GTPBP8: variants seen among roughly 807,000 people sequenced by gnomAD.
GTPBP8 encodes GTP-binding protein 8.
A neutral mutation model predicts 27.3 loss-of-function variants in GTPBP8; 21 were observed. That is an observed-to-expected ratio of 0.77 (90% CI 0.55 to 1.11). GTPBP8 has a LOEUF of 1.11. GTPBP8 is among the 50% of genes least tolerant of loss of function. The pLI, the probability that GTPBP8 is intolerant of heterozygous loss-of-function variation, is 0.00. For synonymous variants in GTPBP8, 147 were observed against 135.3 expected (o/e 1.09, Z -0.60); for missense variants, 380 against 350.8 (o/e 1.08, Z -0.67).
rs1414149606 is a variant in GTPBP8 at position 112,991,480 on chromosome 3, G to A, written c.336+145G>A. On this transcript the variant is annotated intron_variant, in intron 1 of 5. Coordinates refer to ENST00000383678, the MANE Select transcript of GTPBP8 (RefSeq NM_014170.4). ...TATTATTTTAACTCAATAGGCATAT[G>A]TCGATGCTCCCTGTACGTGGGGATA... 55 of 760,062 alleles carry A rather than the reference G, an allele frequency of 7.2e-5. 2 individuals are homozygous for A. In the South Asian group the frequency reaches 8.1e-4, roughly 11 times the overall value. The allele number at this position is 760,062 out of a possible 1,614,324, so 47.1% of individuals were successfully genotyped here. A position where few individuals can be genotyped will look rare whatever the true frequency, so the allele number is the denominator to read the frequency against.
At chr3:112,999,360 G>A in intron 4 of GTPBP8, 86 bp from the exon 5 acceptor site, 1 of 552,182 alleles carries the variant, frequency 1.8e-6, no homozygotes, top group Non-Finnish European at 3.3e-6. Context: ...GGGTCACCTA[G>A]TTGTAAATGA....
intron 1 of GTPBP8, chr3:112,991,888 G>T: frequency 4.3e-6 from 1 of 233,320 alleles, no homozygotes; most frequent in Non-Finnish European, 8.6e-6. Flanking sequence ...GCAATAATGT[G>T]GAAAAATTTT....
chr3:112,999,216 C>T (rs10460813), intron 4 of GTPBP8, among the ~76,000 whole-genome samples: 128,120 of 152,198 alleles, frequency 0.84, 54,124 homozygotes, highest in African/African-American at 0.87. Context: ...GTTAAAGCAC[C>T]ATTAAGCAGC....
rs767244694 is a variant in GTPBP8, at chr3:112,991,033, A to G, written c.34A>G (p.Arg12Gly). 1 of 1,603,350 alleles carries G rather than the reference A, an allele frequency of 6.2e-7. No individual in the cohort carries two copies. Residue 12 changes from arginine to glycine, a missense_variant, in exon 1 of 6, where the codon AGA becomes GGA. Transcript: ENST00000383678. Reference sequence around the variant, plus strand: ...GCCCGGGCTGCGGCTGGGAGCGGGAAGACTCTTTGAAATGCCTGCGGTGCT... The same window carrying G: ...GCCCGGGCTGCGGCTGGGAGCGGGAGGACTCTTTGAAATGCCTGCGGTGCT... ...AAPGLRLGAG[R>G]LFEMPAVLER...
chr3:112,993,753 G>A (rs1033362505), intron 2 of GTPBP8, among the ~76,000 whole-genome samples: 1 of 152,052 alleles, frequency 6.6e-6, no homozygotes, highest in Admixed American at 6.5e-5. Flanking sequence ...GTGCGTGCAC[G>A]AACGCACACA....
chr3:113,000,186 C>T (rs1000462145), intron 5 of GTPBP8, among the ~76,000 whole-genome samples: 12 of 151,902 alleles, frequency 7.9e-5, no homozygotes, highest in African/African-American at 2.7e-4. Flanking sequence ...GTCGGGAGTC[C>T]AAAACCAGCC....
chr3:112,994,049 G>T (rs377395764), intron 2 of GTPBP8, among the ~76,000 whole-genome samples: 1 of 152,108 alleles, frequency 6.6e-6, no homozygotes, highest in Non-Finnish European at 1.5e-5. Flanking sequence ...AACTGACTGG[G>T]AACTTAAAAT....
At position 113,001,259 on chromosome 3, in the gene GTPBP8, AT is replaced by A. The variant is rs1933903797; in HGVS notation, c.*341del. The A allele has an allele frequency of 6.2e-6, 1 of 161,818 alleles. No homozygotes were observed. The highest frequency in any genetic ancestry group is 7.2e-5 in the Admixed American group (1 of 13,794). 10.0% of individuals were successfully genotyped at this position (161,818 alleles called of 1,614,324 possible). On this transcript the variant is annotated 3_prime_UTR_variant, in exon 6 of 6. Coordinates refer to ENST00000383678, the MANE Select transcript of GTPBP8 (RefSeq NM_014170.4). ...ATTGGGCTTTTGTCTTTTAAAGAAT[AT>A]GTCTACTATGGGTATTTTTTTTTTA...
rs995697526 is a variant in GTPBP8 at position 113,001,217 on chromosome 3, G to C, written c.*298G>C. On this transcript the variant is annotated 3_prime_UTR_variant, in exon 6 of 6. Coordinates refer to ENST00000383678, the MANE Select transcript of GTPBP8 (RefSeq NM_014170.4). ...TGAAAACCTGTTACAACTATGTACA[G>C]AAGGGTTTGACGTTTTATTGGGCTT... 4 of 221,716 alleles carry C rather than the reference G, an allele frequency of 1.8e-5. No homozygotes were observed. Among genetic ancestry groups the C allele is most frequent in the Non-Finnish European group, 2.6e-5 (3 of 114,100 alleles). The allele number at this position is 221,716 out of a possible 1,614,324, so 13.7% of individuals were successfully genotyped here.
chr3:113,001,803 A>C lies in GTPBP8; in HGVS notation c.*884A>C, dbSNP rs865869930. 6.6e-6 allele frequency: 1 copy of C among 152,244 alleles called. No individual in the cohort carries two copies. The highest frequency in any genetic ancestry group is 1.5e-5 in the Non-Finnish European group (1 of 68,034). The allele number at this position is 152,244 out of a possible 1,614,324, so 9.4% of individuals were successfully genotyped here. A position where few individuals can be genotyped will look rare whatever the true frequency, so the allele number is the denominator to read the frequency against. ...TGGGACAGTTTAGACTGCTACATTT[A>C]AGATTCAGAATGGAAAAATAAAGCC... On this transcript the variant is annotated 3_prime_UTR_variant, in exon 6 of 6. Coordinates refer to ENST00000383678, the MANE Select transcript of GTPBP8 (RefSeq NM_014170.4).
chr3:112,991,244 A>T lies in GTPBP8; in HGVS notation c.245A>T (p.Asp82Val), dbSNP rs746696600. The change falls in exon 1 of 6, where the codon GAC (aspartate) becomes GTC (valine). Residue 82 changes from aspartate to valine, a missense_variant. Physicochemically the swap from Asp to Val is radical, Grantham distance 152 (BLOSUM62 -3). Coordinates refer to ENST00000383678, the MANE Select transcript of GTPBP8 (RefSeq NM_014170.4). Reference sequence around the variant, plus strand: ...AGCCCGGAGGACATAGCCAGGGCGGACAACATCTTCACGGCCACTGAACGG... The same window carrying T: ...AGCCCGGAGGACATAGCCAGGGCGGTCAACATCTTCACGGCCACTGAACGG... Reference protein sequence around the residue: ...DPSPEDIARADNIFTATERNR... With the variant: ...DPSPEDIARAVNIFTATERNR... 1.2e-6 allele frequency: 2 copies of T among 1,614,070 alleles called. No individual in the cohort carries two copies. Among genetic ancestry groups the T allele is most frequent in the Non-Finnish European group, 8.5e-7 (1 of 1,180,028 alleles).
Position 113,000,917 on chromosome 3 carries a change from T to TA in GTPBP8, c.855dup. ...FIASVTGSLD[*] ...AGCCAGTGTAACAGGAAGTCTTGAC[T>TA]AATGGTTCCCGGTTTAGCTGAAGAT... The change falls in exon 6 of 6, where the codon TAA becomes TAAA. Residue 285 remains the stop codon, a frameshift_variant and stop_retained_variant. Coordinates refer to ENST00000383678, the MANE Select transcript of GTPBP8 (RefSeq NM_014170.4). LOFTEE classifies it high-confidence loss of function. The TA allele has an allele frequency of 2.0e-6, 3 of 1,520,032 alleles. No individual in the cohort carries two copies. 94.2% of individuals were successfully genotyped at this position (1,520,032 alleles called of 1,614,324 possible). A position where few individuals can be genotyped will look rare whatever the true frequency, so the allele number is the denominator to read the frequency against.
intron 3 of GTPBP8, among the ~76,000 whole-genome samples, chr3:112,996,462 T>TA (rs1454836045): frequency 2.0e-5 from 3 of 151,540 alleles, no homozygotes; most frequent in East Asian, 3.9e-4. Context: ...AGGCTCTGTC[T>TA]AAAAAAACAA....
chr3:112,997,059 G>A, intron 4 of GTPBP8, 68 bp downstream of exon 4: 1 of 748,604 alleles, frequency 1.3e-6, no homozygotes, highest in Non-Finnish European at 2.3e-6. Flanking sequence ...GTGTGAACAT[G>A]CACCTTTTAA....
chr3:112,996,463 A>G (rs1015888133), intron 3 of GTPBP8, among the ~76,000 whole-genome samples: 4 of 152,050 alleles, frequency 2.6e-5, no homozygotes, highest in African/African-American at 9.7e-5. Flanking sequence ...GGCTCTGTCT[A>G]AAAAAACAAA....
chr3:112,995,697 C>T (rs767357629), intron 3 of GTPBP8, among the ~76,000 whole-genome samples: 11 of 151,926 alleles, frequency 7.2e-5, no homozygotes, highest in East Asian at 1.9e-4. Context: ...CCACCATGCC[C>T]GGCTCATTTT....
chr3:112,992,934 T>A (rs895811720), intron 1 of GTPBP8, 92 bp from the exon 2 acceptor site: 1 of 662,856 alleles, frequency 1.5e-6, no homozygotes, highest in Non-Finnish European at 2.7e-6. Flanking sequence ...ATTCAATAAA[T>A]ATTAGCTGTG....
rs998003833 is a variant in GTPBP8, at chr3:112,995,345, T to C, written c.566+80T>C. The C allele has an allele frequency of 2.9e-5, 24 of 841,900 alleles. No individual in the cohort carries two copies. In the Admixed American group the frequency reaches 6.4e-4, roughly 23 times the overall value. The allele number at this position is 841,900 out of a possible 1,614,324, so 52.2% of individuals were successfully genotyped here. The stretch of plus-strand genomic sequence containing the variant: ...CATCAGTAGAGTATTATACACATGA[T>C]TAACACTTCAGTTTTATCAAATGAC... On this transcript the variant is annotated intron_variant, in intron 3 of 5. Coordinates refer to ENST00000383678, the MANE Select transcript of GTPBP8 (RefSeq NM_014170.4).
Position 112,995,245 on chromosome 3 carries a change from C to A in GTPBP8, c.546C>A (p.Thr182=). 6.2e-7 allele frequency: 1 copy of A among 1,601,224 alleles called. No homozygotes were observed. Among genetic ancestry groups the A allele is most frequent in the South Asian group, 1.1e-5 (1 of 88,926 alleles). The part of the protein sequence containing the change: ...APEDFVDMVE[T]YLKERRNLKR... ...AAGATTTTGTTGACATGGTAGAGAC[C>A]TATCTAAAAGAACGAAGGAAGTAAG... The change falls in exon 3 of 6, where the codon ACC becomes ACA. Residue 182 remains threonine, a synonymous_variant. Transcript: ENST00000383678.
Sources: allele counts gnomAD v4.1 joint callset (sites outside exome capture counted in the v4.1 genomes callset), GRCh38; gene constraint gnomAD v4.1.1; transcripts MANE v1.5; gene names NCBI Gene and HGNC (gene_info 2026-07-23, HGNC 2026-07-21).